The following CAPZB variants were observed in gnomAD, a reference collection of about 807,000 sequenced individuals.
CAPZB encodes the protein capping actin protein of muscle Z-line subunit beta, also known as F-actin-capping protein subunit beta.
A neutral mutation model predicts 38.1 loss-of-function variants in CAPZB; 2 were observed. The observed-to-expected ratio is 0.05, with a 90% CI of 0.02 to 0.17. The LOEUF is 0.17. CAPZB is among the 10% of genes least tolerant of loss of function. CAPZB has a pLI of 1.00. For synonymous variants in CAPZB, 107 were observed against 127.4 expected, an observed-to-expected ratio of 0.84 and a Z score of 1.08; for missense variants, 161 against 334.2, an observed-to-expected ratio of 0.48 and a Z score of 4.04.
At chr1:19,409,346 C>T (rs942993597) in intron 2 of CAPZB, among the ~76,000 whole-genome samples, 7 of 152,056 alleles carry the variant, frequency 4.6e-5, no homozygotes, top group African/African-American at 1.7e-4. Flanking sequence ...CACAGTCCAA[C>T]AAGAAACGAA....
chr1:19,375,301 C>G (rs1371015528), intron 4 of CAPZB, among the ~76,000 whole-genome samples: 4 of 152,236 alleles, frequency 2.6e-5, no homozygotes, highest in Non-Finnish European at 5.9e-5. Flanking sequence ...AGCTCTTCAG[C>G]ACACTCCGAT....
At chr1:19,478,331 A>G (rs942083525) in intron 1 of CAPZB, among the ~76,000 whole-genome samples, 3 of 152,202 alleles carry the variant, frequency 2.0e-5, no homozygotes, top group African/African-American at 7.2e-5. Flanking sequence ...TAACCACAAT[A>G]ATAAGAGATA....
At chr1:19,373,020 C>A (rs1558195822) in intron 4 of CAPZB, among the ~76,000 whole-genome samples, 1 of 152,172 alleles carries the variant, frequency 6.6e-6, no homozygotes, top group Non-Finnish European at 1.5e-5. Context: ...CGCAAACTGG[C>A]TCTTTTCATC....
chr1:19,484,968 G>A (rs2094645777), intron 1 of CAPZB, among the ~76,000 whole-genome samples: 1 of 152,170 alleles, frequency 6.6e-6, no homozygotes, highest in African/African-American at 2.4e-5. Flanking sequence ...AGAAGGCAAA[G>A]GGGGAGGGAC....
intron 1 of CAPZB, among the ~76,000 whole-genome samples, chr1:19,469,444 T>C (rs893351254): frequency 2.6e-5 from 4 of 152,142 alleles, no homozygotes; most frequent in African/African-American, 9.7e-5. Flanking sequence ...AGTTCTGGCA[T>C]AGAGATTAAT....
chr1:19,386,861 G>C (rs2094206979), intron 2 of CAPZB, among the ~76,000 whole-genome samples: 1 of 152,222 alleles, frequency 6.6e-6, no homozygotes, highest in Non-Finnish European at 1.5e-5. Flanking sequence ...CAAAGAGATA[G>C]ACATACACCA....
intron 3 of CAPZB, among the ~76,000 whole-genome samples, chr1:19,379,637 A>ACATATGAAGACTG (rs757668948): frequency 3.2e-4 from 49 of 152,340 alleles, no homozygotes; most frequent in Non-Finnish European, 1.3e-4. Context: ...AGCTATGCAC[A>ACATATGAAGACTG]CATATGAAGA....
At chr1:19,340,481 A>T (rs2093921948) in intron 8 of CAPZB, among the ~76,000 whole-genome samples, 2 of 152,198 alleles carry the variant, frequency 1.3e-5, no homozygotes, top group South Asian at 4.1e-4. Context: ...CAGTTTACAA[A>T]ACGCCTTTCA....
chr1:19,459,385 A>C (rs1190894792), intron 1 of CAPZB, among the ~76,000 whole-genome samples: 1 of 152,226 alleles, frequency 6.6e-6, no homozygotes, highest in Non-Finnish European at 1.5e-5. Context: ...GTGTTATTTA[A>C]ATAAAATAAG....
intron 1 of CAPZB, chr1:19,448,994 G>C (rs2094505698): frequency 1.3e-6 from 2 of 1,584,634 alleles, no homozygotes; most frequent in African/African-American, 2.7e-5. Context: ...AACATGACGT[G>C]ACTAGGGACG....
At chr1:19,346,692 C>T (rs61766682) in intron 6 of CAPZB, among the ~76,000 whole-genome samples, 4 of 150,064 alleles carry the variant, frequency 2.7e-5, no homozygotes, top group Admixed American at 1.3e-4. Flanking sequence ...TGGTTAAGAG[C>T]GGGGTGAGCA....
At chr1:19,397,863 C>T (rs1421905550) in intron 2 of CAPZB, among the ~76,000 whole-genome samples, 2 of 152,078 alleles carry the variant, frequency 1.3e-5, no homozygotes, top group Non-Finnish European at 2.9e-5. Context: ...CACCCGAATG[C>T]GGGAGGAGCC....
At chr1:19,445,002 C>CA (rs1196946957) in intron 1 of CAPZB, among the ~76,000 whole-genome samples, 1 of 152,160 alleles carries the variant, frequency 6.6e-6, no homozygotes, top group African/African-American at 2.4e-5. Context: ...CTCGGCCTCC[C>CA]AAAGTGCTGG....
intron 2 of CAPZB, among the ~76,000 whole-genome samples, chr1:19,396,004 T>C (rs1426648505): frequency 6.6e-6 from 1 of 152,228 alleles, no homozygotes; most frequent in Non-Finnish European, 1.5e-5. Context: ...CAGACCACCT[T>C]TCTTCCCCGT....
intron 2 of CAPZB, among the ~76,000 whole-genome samples, chr1:19,395,287 A>G (rs992089089): frequency 2.6e-5 from 4 of 152,220 alleles, no homozygotes; most frequent in African/African-American, 9.6e-5. Flanking sequence ...TGACCAACAA[A>G]TGATTTATTC....
intron 4 of CAPZB, among the ~76,000 whole-genome samples, chr1:19,370,858 C>T (rs1036106351): frequency 6.6e-6 from 1 of 152,218 alleles, no homozygotes; most frequent in African/African-American, 2.4e-5. Context: ...ACCCTTTGCT[C>T]TTCCCCACCG....
At chr1:19,368,352 G>A (rs1043248383) in intron 4 of CAPZB, among the ~76,000 whole-genome samples, 2 of 152,168 alleles carry the variant, frequency 1.3e-5, no homozygotes, top group East Asian at 1.9e-4. Flanking sequence ...CCCCAAAGAG[G>A]AGAAAGTCAG....
At chr1:19,374,075 G>T (rs2094132956) in intron 4 of CAPZB, 1 of 152,320 alleles carries the variant, frequency 6.6e-6, no homozygotes, top group Admixed American at 6.5e-5. Context: ...GTGCCTGTGG[G>T]TGCTACGTCA....
chr1:19,350,846 G>A (rs975202723), intron 6 of CAPZB, among the ~76,000 whole-genome samples: 4 of 152,102 alleles, frequency 2.6e-5, no homozygotes, highest in African/African-American at 9.7e-5. Flanking sequence ...TCAAACTCTC[G>A]AGCTCAAGTG....
Sources: gnomAD v4.1 joint callset for allele counts (sites outside exome capture counted in the v4.1 genomes callset) on GRCh38, gnomAD v4.1.1 for gene constraint, MANE v1.5 for transcripts, NCBI Gene and HGNC (gene_info 2026-07-23, HGNC 2026-07-21) for gene names.